MAPK8IP3: variants seen among roughly 807,000 people sequenced by gnomAD.
The protein encoded by MAPK8IP3 is mitogen-activated protein kinase 8 interacting protein 3, also known as C-Jun-amino-terminal kinase-interacting protein 3.
Under a neutral mutation model 157.8 loss-of-function variants are expected in MAPK8IP3, and 49 were observed. The observed-to-expected ratio is 0.31, with a 90% CI of 0.25 to 0.39. The LOEUF (loss-of-function observed/expected upper bound fraction) is 0.39. Ranked by LOEUF, MAPK8IP3 falls within the 10% of genes least tolerant of loss-of-function variation. The pLI is 1.00. For synonymous variants in MAPK8IP3, 897 were observed against 777.7 expected, an observed-to-expected ratio of 1.15 and a Z score of -2.55; for missense variants, 1,478 against 1,889.4, an observed-to-expected ratio of 0.78 and a Z score of 4.04.
Position 1,724,780 on chromosome 16 carries a change from G to A in MAPK8IP3, c.439+103G>A. 6.8e-7 allele frequency: 1 copy of A among 1,478,308 alleles called. No individual in the cohort carries two copies. The allele number at this position is 1,478,308 out of a possible 1,614,324, so 91.6% of individuals were successfully genotyped here. A position where few individuals can be genotyped will look rare whatever the true frequency, so the allele number is the denominator to read the frequency against. Reference sequence around the variant, plus strand: ...GCGCCTTCCACACAAGGGGACGAGAGGAAGCCCAGTGGGAGCCTCAGCCAT... The same window carrying A: ...GCGCCTTCCACACAAGGGGACGAGAAGAAGCCCAGTGGGAGCCTCAGCCAT... On this transcript the variant is annotated intron_variant, in intron 2 of 31. Coordinates refer to ENST00000610761, the MANE Select transcript of MAPK8IP3 (RefSeq NM_001318852.2). The surrounding 1 kb of genome is among the most constrained non-coding windows in gnomAD (Gnocchi z 4.1).
chr16:1,748,841 T>C (rs745506811), intron 8 of MAPK8IP3, 121 bp downstream of exon 8: 2 of 906,994 alleles, frequency 2.2e-6, no homozygotes, highest in Non-Finnish European at 1.8e-6. Context: ...CCTTTTTTTT[T>C]CCAGCTTTGT....
At position 1,762,915 on chromosome 16, in the gene MAPK8IP3, T is replaced by G; in HGVS notation, c.1807T>G (p.Ser603Ala). ...TCCCTCGGTGAACATCCACTACAAGTCACCCACCACTGCCGGCTTCAGCCA... is the reference window on the plus strand; with the variant it reads ...TCCCTCGGTGAACATCCACTACAAGGCACCCACCACTGCCGGCTTCAGCCA... The part of the protein sequence containing the change: ...PYPSVNIHYK[S>A]PTTAGFSQRR... Residue 603 changes from serine (S) to alanine (A), a missense_variant, in exon 16 of 32, where the codon TCA (serine) becomes GCA (alanine). Physicochemically the swap from Ser to Ala is moderately conservative, Grantham distance 99. Around this residue, in one of 11 missense-constraint regions of MAPK8IP3, gnomAD observed 669 missense variants for 759.8 expected, o/e 0.88. Coordinates refer to ENST00000610761, the MANE Select transcript of MAPK8IP3 (RefSeq NM_001318852.2). 6.2e-7 allele frequency: 1 copy of G among 1,612,828 alleles called. No individual in the cohort carries two copies. The highest frequency in any genetic ancestry group is 8.5e-7 in the Non-Finnish European group (1 of 1,179,938).
At chr16:1,711,072 G>A (rs1359314778) in intron 1 of MAPK8IP3, among the ~76,000 whole-genome samples, 3 of 152,254 alleles carry the variant, frequency 2.0e-5, no homozygotes, top group African/African-American at 7.2e-5. Context: ...AGACAGGGCC[G>A]AGAGCTGAGA....
intron 4 of MAPK8IP3, among the ~76,000 whole-genome samples, chr16:1,729,984 G>A (rs1007185086): frequency 5.5e-5 from 8 of 144,296 alleles, no homozygotes; most frequent in African/African-American, 2.1e-4. Context: ...CAAGGCAGGA[G>A]GATTACTTGA....
In MAPK8IP3 at chr16:1,706,199, T is replaced by TCGG; in HGVS notation, c.-139_-137dup. 1.6e-6 allele frequency: 1 copy of TCGG among 637,802 alleles called. No individual in the cohort carries two copies. Among genetic ancestry groups the TCGG allele is most frequent in the Non-Finnish European group, 2.2e-6 (1 of 446,420 alleles). 39.5% of individuals were successfully genotyped at this position (637,802 alleles called of 1,614,324 possible). ...CGGTGAGTGAGTGACGGGCGCAGCC[T>TCGG]CGGCAGCGGCGGCGGCGGAGCCCTG... On this transcript the variant is annotated 5_prime_UTR_variant, in exon 1 of 32. Transcript: ENST00000610761. This position sits in a 1 kb window ranked among gnomAD's most constrained non-coding sequence, Gnocchi z 5.1.
At position 1,767,418 on chromosome 16, in the gene MAPK8IP3, A is replaced by G. The variant is rs1483576930; in HGVS notation, c.3237+121A>G. 8.6e-6 allele frequency: 13 copies of G among 1,509,614 alleles called. No individual in the cohort carries two copies. In the East Asian group the frequency reaches 3.0e-4, roughly 34 times the overall value. The allele number at this position is 1,509,614 out of a possible 1,614,324, so 93.5% of individuals were successfully genotyped here. On this transcript the variant is annotated intron_variant, in intron 26 of 31. Transcript: ENST00000610761. ...GGGTCCCATCTCCCCTGTACCACCT[A>G]TGACTCAGGCTCGAACAGGCGCAAA...
intron 4 of MAPK8IP3, among the ~76,000 whole-genome samples, chr16:1,738,824 A>T (rs1262927718): frequency 7.8e-6 from 1 of 128,180 alleles, no homozygotes; most frequent in Non-Finnish European, 1.6e-5. Context: ...CATCTGTGTG[A>T]CCGTCCGTGT....
Position 1,724,519 on chromosome 16 carries a change from C to A in MAPK8IP3, c.319-38C>A, listed in dbSNP as rs1251210485. ...GTGAAAGGCGGCTGCTCCACACTCA[C>A]TCCTGATGACTGCTCTTTCCCTCCC... On this transcript the variant is annotated intron_variant, in intron 1 of 31. Transcript: ENST00000610761. This position sits in a 1 kb window ranked among gnomAD's most constrained non-coding sequence, Gnocchi z 4.1. 6.2e-7 allele frequency: 1 copy of A among 1,607,728 alleles called. No homozygotes were observed. Among genetic ancestry groups the A allele is most frequent in the Admixed American group, 1.7e-5 (1 of 59,928 alleles).
intron 26 of MAPK8IP3, 21 bp downstream of exon 26, chr16:1,767,318 C>T (rs770054182): frequency 5.1e-5 from 83 of 1,611,950 alleles, no homozygotes; most frequent in South Asian, 4.7e-4. Flanking sequence ...GCCAGGGCCC[C>T]GGGGAGGGGA....
intron 8 of MAPK8IP3, among the ~76,000 whole-genome samples, chr16:1,750,882 G>A (rs186000478): frequency 6.6e-6 from 1 of 152,038 alleles, no homozygotes; most frequent in Admixed American, 6.5e-5. Flanking sequence ...CTGACCTTGT[G>A]ATCCACCCGC....
At chr16:1,740,350 G>C (rs538874512) in intron 4 of MAPK8IP3, among the ~76,000 whole-genome samples, 1 of 146,620 alleles carries the variant, frequency 6.8e-6, no homozygotes. Flanking sequence ...GAGCCTCCGT[G>C]TGAGCGTGCA....
At chr16:1,721,162 C>T (rs1461442817) in intron 1 of MAPK8IP3, among the ~76,000 whole-genome samples, 1 of 149,582 alleles carries the variant, frequency 6.7e-6, no homozygotes, top group African/African-American at 2.5e-5. Flanking sequence ...ACATGGAAAA[C>T]ACCATCTCTA....
intron 4 of MAPK8IP3, among the ~76,000 whole-genome samples, chr16:1,737,516 G>T (rs200307061): frequency 1.1e-5 from 1 of 89,902 alleles, no homozygotes; most frequent in East Asian, 4.0e-4. Flanking sequence ...GCGTGTGACC[G>T]TCCGTGTGAG....
rs1012420369 is a variant in MAPK8IP3 at position 1,743,601 on chromosome 16, C to T, written c.747+125C>T. ...CTCTGGGCCACTCGCCCTCTCCCTT[C>T]GTGTGTGGCAGGATGGAGAAACCCA... On this transcript the variant is annotated intron_variant, in intron 5 of 31. Coordinates refer to ENST00000610761, the MANE Select transcript of MAPK8IP3 (RefSeq NM_001318852.2). This position sits in a 1 kb window ranked among gnomAD's most constrained non-coding sequence, Gnocchi z 5.6. 3.1e-5 allele frequency: 45 copies of T among 1,457,314 alleles called. No individual in the cohort carries two copies. Among genetic ancestry groups the T allele is most frequent in the Admixed American group, 1.1e-4 (4 of 35,022 alleles). 90.3% of individuals were successfully genotyped at this position (1,457,314 alleles called of 1,614,324 possible).
rs1463573347 is a variant in MAPK8IP3 at position 1,729,218 on chromosome 16, C to G, written c.510+10C>G. ...CCAGCGGCACACAGAGGTGGGCGCC[C>G]AGAGGCAAGCGCGGAGACGAGGGTT... On this transcript the variant is annotated intron_variant, in intron 3 of 31. Coordinates refer to ENST00000610761, the MANE Select transcript of MAPK8IP3 (RefSeq NM_001318852.2). The G allele has an allele frequency of 6.2e-7, 1 of 1,613,588 alleles. No individual in the cohort carries two copies. Among genetic ancestry groups the G allele is most frequent in the Non-Finnish European group, 8.5e-7 (1 of 1,179,966 alleles).
intron 10 of MAPK8IP3, among the ~76,000 whole-genome samples, chr16:1,759,668 G>A (rs1439762100): frequency 2.6e-5 from 4 of 152,214 alleles, no homozygotes; most frequent in Non-Finnish European, 5.9e-5. Flanking sequence ...CAGACCTGCT[G>A]GGGGCACTGA....
At chr16:1,760,121 C>T (rs995922980) in intron 11 of MAPK8IP3, 106 bp downstream of exon 11, 14 of 1,236,214 alleles carry the variant, frequency 1.1e-5, no homozygotes, top group East Asian at 2.3e-5. Flanking sequence ...CTGGCTCCAA[C>T]GCCAGCAGCT....
At chr16:1,760,800 GC>G (rs1243964873) in intron 12 of MAPK8IP3, among the ~76,000 whole-genome samples, 1 of 152,200 alleles carries the variant, frequency 6.6e-6, no homozygotes, top group Non-Finnish European at 1.5e-5. Flanking sequence ...CCTTTGATCA[GC>G]CAAGGTTTGG....
intron 1 of MAPK8IP3, among the ~76,000 whole-genome samples, chr16:1,715,785 A>G (rs1018273185): frequency 2.0e-5 from 3 of 151,468 alleles, no homozygotes; most frequent in Admixed American, 6.6e-5. Flanking sequence ...CTGGAGTGCA[A>G]TGGCGTGATC....
Sources: allele counts gnomAD v4.1 joint callset (sites outside exome capture counted in the v4.1 genomes callset), GRCh38; gene constraint gnomAD v4.1.1; regional missense constraint gnomAD v4.1.1; non-coding constraint Gnocchi (gnomAD v3.1); transcripts MANE v1.5; gene names NCBI Gene and HGNC (gene_info 2026-07-23, HGNC 2026-07-21).